The following RPS6KA2 variants were observed in gnomAD, a reference collection of about 807,000 sequenced individuals.
RPS6KA2 encodes the protein ribosomal protein S6 kinase alpha-2.
RPS6KA2 carries 42 observed loss-of-function variants against 91.8 expected under a neutral mutation model. The observed-to-expected ratio is 0.46, with a 90% CI of 0.36 to 0.59. RPS6KA2 has a LOEUF of 0.59. Ranked by LOEUF, RPS6KA2 falls within the 20% of genes least tolerant of loss-of-function variation. The pLI is 0.00. For missense variants in RPS6KA2, 798 were observed against 978.5 expected (o/e 0.82, Z 2.46); for synonymous variants, 414 against 393.6 (o/e 1.05, Z -0.61).
intron 2 of RPS6KA2, among the ~76,000 whole-genome samples, chr6:166,727,540 C>A (rs974904702): frequency 1.3e-5 from 2 of 152,006 alleles, no homozygotes; most frequent in African/African-American, 4.8e-5. Flanking sequence ...CCTAAGGTAC[C>A]AGAATCCTCA....
At chr6:166,717,024 C>T (rs1282962048) in intron 2 of RPS6KA2, among the ~76,000 whole-genome samples, 2 of 152,124 alleles carry the variant, frequency 1.3e-5, no homozygotes, top group African/African-American at 4.8e-5. Context: ...CCAGAAGGAG[C>T]AGGGAGTGAG....
upstream of RPS6KA2, among the ~76,000 whole-genome samples, chr6:166,631,201 A>T (rs1787065267): frequency 6.6e-6 from 1 of 152,262 alleles, no homozygotes; most frequent in Non-Finnish European, 1.5e-5. Flanking sequence ...TCAAAATGAC[A>T]GAAATAAAGC....
At chr6:166,598,161 G>C (rs901329976) in intron 1 of RPS6KA2, among the ~76,000 whole-genome samples, 1 of 152,188 alleles carries the variant, frequency 6.6e-6, no homozygotes, top group African/African-American at 2.4e-5. Context: ...TCTCAGGAGA[G>C]AGCGGGGAGA....
At chr6:166,580,212 G>A (rs1413953872) in intron 1 of RPS6KA2, among the ~76,000 whole-genome samples, 2 of 152,218 alleles carry the variant, frequency 1.3e-5, no homozygotes, top group Non-Finnish European at 2.9e-5. Flanking sequence ...GGAGAGGAAA[G>A]GGCCCAAGTG....
chr6:166,648,238 A>G lies in RPS6KA2; in HGVS notation c.124-109454T>C, dbSNP rs1474069659. On this transcript the variant is annotated intron_variant, in intron 2 of 21. Coordinates refer to the RPS6KA2 transcript ENST00000503859. The surrounding 1 kb of genome is among the most constrained non-coding windows in gnomAD (Gnocchi z 4.8). ...CACACACGCACATGCGCACACACACACATTCACACAGGCACACACACTCAT... is the reference window on the plus strand; with the variant it reads ...CACACACGCACATGCGCACACACACGCATTCACACAGGCACACACACTCAT... Among the ~76,000 whole-genome samples, 1 of 148,848 alleles carries G rather than the reference A, an allele frequency of 6.7e-6. No individual in the cohort carries two copies. Among genetic ancestry groups the G allele is most frequent in the Non-Finnish European group, 1.5e-5 (1 of 67,066 alleles).
chr6:166,436,718 C>T (rs568554337), intron 14 of RPS6KA2, among the ~76,000 whole-genome samples: 79 of 152,306 alleles, frequency 5.2e-4, no homozygotes, highest in Admixed American at 1.3e-3. Flanking sequence ...CACAGGGCAG[C>T]GAGGAGGGTG....
Position 166,510,346 on chromosome 6 carries a change from C to T in RPS6KA2, c.310G>A (p.Val104Met). ...KKATLKVRDR[V>M]RSKMERDILA... ...ATGTCTCTCTCCATCTTCGATCTCACTCGGTCCCGAACTGCAAAGTAAAAA... is the reference window on the plus strand; with the variant it reads ...ATGTCTCTCTCCATCTTCGATCTCATTCGGTCCCGAACTGCAAAGTAAAAA... The change falls in exon 4 of 21, where the codon GTG (valine) becomes ATG (methionine). Residue 104 changes from valine to methionine, a missense_variant. Val to Met is a conservative substitution (Grantham distance 21). Coordinates refer to ENST00000265678, the MANE Select transcript of RPS6KA2 (RefSeq NM_021135.6). 1.3e-6 allele frequency: 2 copies of T among 1,598,896 alleles called. No individual in the cohort carries two copies. The highest frequency in any genetic ancestry group is 1.7e-5 in the Admixed American group (1 of 58,768).
chr6:166,414,288 G>A (rs1778421956), intron 19 of RPS6KA2, among the ~76,000 whole-genome samples: 1 of 152,112 alleles, frequency 6.6e-6, no homozygotes, highest in South Asian at 2.1e-4. Context: ...TATTCCACAG[G>A]TAGAAATCAA....
At chr6:166,586,795 TAC>T (rs1307565628) in intron 1 of RPS6KA2, among the ~76,000 whole-genome samples, 1 of 152,238 alleles carries the variant, frequency 6.6e-6, no homozygotes, top group Admixed American at 6.5e-5. Flanking sequence ...ACATCAGTTA[TAC>T]ACAAAGTCAA....
Position 166,563,053 on chromosome 6 carries a change from T to C in RPS6KA2, c.100-24269A>G, listed in dbSNP as rs930456232. On this transcript the variant is annotated intron_variant, in intron 1 of 20. Coordinates refer to ENST00000265678, the MANE Select transcript of RPS6KA2 (RefSeq NM_021135.6). This position sits in a 1 kb window ranked among gnomAD's most constrained non-coding sequence, Gnocchi z 4.1. ...CAACAGGAGTCCAGAGGGTCCTGAG[T>C]GTGGGAAACACAAGCTCTTCTAGCT... 1.3e-5 allele frequency among the ~76,000 whole-genome samples: 2 copies of C among 152,040 alleles called. No homozygotes were observed. The highest frequency in any genetic ancestry group is 4.8e-5 in the African/African-American group (2 of 41,394).
At chr6:166,837,367 C>T (rs546331315) in intron 2 of RPS6KA2, among the ~76,000 whole-genome samples, 7 of 152,338 alleles carry the variant, frequency 4.6e-5, no homozygotes, top group African/African-American at 1.7e-4. Flanking sequence ...TCAGCTCAGG[C>T]TCACTGTGGA....
At chr6:166,806,806 A>AAT (rs1779503946) in intron 2 of RPS6KA2, among the ~76,000 whole-genome samples, 2 of 152,134 alleles carry the variant, frequency 1.3e-5, no homozygotes, top group East Asian at 1.9e-4. Context: ...TTAAAAAAAA[A>AAT]ATTAGTTTAT....
At position 166,459,849 on chromosome 6, in the gene RPS6KA2, G is replaced by A. The variant is rs1780216596; in HGVS notation, c.973-298C>T. ...ACATGCCAAGTGTTCTTCATTTTAG[G>A]GCAATAGTTTTCTAGCTTCTTCTTG... On this transcript the variant is annotated intron_variant, in intron 11 of 20. Coordinates refer to ENST00000265678, the MANE Select transcript of RPS6KA2 (RefSeq NM_021135.6). The surrounding 1 kb of genome is among the most constrained non-coding windows in gnomAD (Gnocchi z 4.9). 6.6e-6 allele frequency among the ~76,000 whole-genome samples: 1 copy of A among 152,188 alleles called. No individual in the cohort carries two copies. The highest frequency in any genetic ancestry group is 2.4e-5 in the African/African-American group (1 of 41,438).
chr6:166,792,042 CA>C (rs899129024), intron 2 of RPS6KA2, among the ~76,000 whole-genome samples: 10 of 145,296 alleles, frequency 6.9e-5, no homozygotes, highest in East Asian at 2.0e-4. Flanking sequence ...GATCGAGACA[CA>C]AAAAAAAAAC....
At chr6:166,851,953 C>G (rs1780755815) in intron 2 of RPS6KA2, among the ~76,000 whole-genome samples, 1 of 152,196 alleles carries the variant, frequency 6.6e-6, no homozygotes. Flanking sequence ...CTGTCCCAAT[C>G]TTCTTTACAA....
intron 5 of RPS6KA2, 124 bp from the exon 6 acceptor site, chr6:166,504,736 G>T: frequency 1.6e-6 from 1 of 630,428 alleles, no homozygotes; most frequent in Non-Finnish European, 2.7e-6. Flanking sequence ...TCTGTGGAAC[G>T]CTATGGCCCC....
intron 1 of RPS6KA2, among the ~76,000 whole-genome samples, chr6:166,579,116 C>G (rs553624277): frequency 1.3e-3 from 194 of 152,234 alleles, no homozygotes; most frequent in African/African-American, 4.1e-3. Context: ...AAGACAGCCC[C>G]GAGCCACCGC....
intron 2 of RPS6KA2, among the ~76,000 whole-genome samples, chr6:166,806,917 T>C (rs982283477): frequency 3.9e-5 from 6 of 152,222 alleles, no homozygotes; most frequent in African/African-American, 1.4e-4. Flanking sequence ...TGTATGCTAT[T>C]AATGTCATGA....
intron 2 of RPS6KA2, among the ~76,000 whole-genome samples, chr6:166,717,444 C>T (rs1170477393): frequency 6.6e-6 from 1 of 152,206 alleles, no homozygotes; most frequent in East Asian, 1.9e-4. Flanking sequence ...TCTCTCCCAG[C>T]TCTGCTCTGC....
Sources: allele counts gnomAD v4.1 joint callset (sites outside exome capture counted in the v4.1 genomes callset), GRCh38; gene constraint gnomAD v4.1.1; non-coding constraint Gnocchi (gnomAD v3.1); transcripts MANE v1.5; gene names NCBI Gene and HGNC (gene_info 2026-07-23, HGNC 2026-07-21).